Variants in DNAI4 observed in about 807,000 individuals in gnomAD.
DNAI4 encodes dynein axonemal intermediate chain 4.
Under a neutral mutation model 105.8 loss-of-function variants are expected in DNAI4, and 85 were observed. The ratio of observed to expected loss-of-function variants is 0.80; its 90% CI spans 0.67 to 0.96. DNAI4 has a LOEUF of 0.96. Ranked by LOEUF, DNAI4 falls within the 40% of genes least tolerant of loss-of-function variation. The pLI is 0.00. For synonymous variants in DNAI4, 352 were observed against 331.5 expected, an observed-to-expected ratio of 1.06 and a Z score of -0.67; for missense variants, 1,014 against 1,005.6, an observed-to-expected ratio of 1.01 and a Z score of -0.11.
chr1:66,862,084 A>G, intron 7 of DNAI4, 63 bp downstream of exon 7: 1 of 1,471,086 alleles, frequency 6.8e-7, no homozygotes, highest in South Asian at 1.4e-5. Context: ...ACTGCCAAAA[A>G]AGAATTTATT....
intron 1 of DNAI4, among the ~76,000 whole-genome samples, chr1:66,909,507 G>A (rs1351171131): frequency 4.0e-5 from 6 of 149,558 alleles, no homozygotes; most frequent in Non-Finnish European, 5.9e-5. Flanking sequence ...TTTTAACTTG[G>A]ATCGTAGGAC....
At position 66,835,665 on chromosome 1, in the gene DNAI4, T is replaced by C; in HGVS notation, c.1694A>G (p.Asn565Ser). The C allele has an allele frequency of 1.9e-6, 3 of 1,614,158 alleles. No individual in the cohort carries two copies. The highest frequency in any genetic ancestry group is 1.7e-6 in the Non-Finnish European group (2 of 1,180,004). Residue 565 changes from asparagine (N) to serine (S), a missense_variant, in exon 11 of 17, where the codon AAT (asparagine) becomes AGT (serine). Coordinates refer to ENST00000371026, the MANE Select transcript of DNAI4 (RefSeq NM_024763.5). Reference sequence around the variant, plus strand: ...TGGAACATTACTGTTGCTCCGTACATTGTAAATTGCAATTGTGCCATTGTG... The same window carrying C: ...TGGAACATTACTGTTGCTCCGTACACTGTAAATTGCAATTGTGCCATTGTG... ...GYHNGTIAIY[N>S]VRSNSNVPVL...
chr1:66,916,889 CTTT>C (rs57839896), intron 1 of DNAI4, among the ~76,000 whole-genome samples: 2 of 147,388 alleles, frequency 1.4e-5, no homozygotes, highest in African/African-American at 2.5e-5. Context: ...AGATTTTTGC[CTTT>C]TTTTTTTAAT....
rs1645786256 is a variant in DNAI4, at chr1:66,827,796, C to T, written c.2112+16G>A. The T allele has an allele frequency of 1.4e-6, 2 of 1,430,742 alleles. No individual in the cohort carries two copies. Among genetic ancestry groups the T allele is most frequent in the Non-Finnish European group, 1.9e-6 (2 of 1,045,922 alleles). The allele number at this position is 1,430,742 out of a possible 1,614,324, so 88.6% of individuals were successfully genotyped here. A position where few individuals can be genotyped will look rare whatever the true frequency, so the allele number is the denominator to read the frequency against. ...AATACAAAATAAATGTTCCAACCTA[C>T]TATAATTAAACTAACCTTATGTCCT... On this transcript the variant is annotated intron_variant, in intron 14 of 16. Transcript: ENST00000371026.
rs746961223 is a variant in DNAI4 at position 66,890,749 on chromosome 1, AGAG to A, written c.643+402_643+404del. 2.7e-4 allele frequency: 65 copies of A among 239,950 alleles called. No homozygotes were observed. Among genetic ancestry groups the A allele is most frequent in the South Asian group, 1.9e-3 (40 of 20,942 alleles). The allele number at this position is 239,950 out of a possible 1,614,324, so 14.9% of individuals were successfully genotyped here. A position where few individuals can be genotyped will look rare whatever the true frequency, so the allele number is the denominator to read the frequency against. On this transcript the variant is annotated intron_variant, in intron 4 of 16. Transcript: ENST00000371026. This position sits in a 1 kb window ranked among gnomAD's most constrained non-coding sequence, Gnocchi z 4.1. Reference sequence around the variant, plus strand: ...AGGGAGAGGAAGAGGGGGAGAAGGAAGAGGAGGAGGAGGAAGAGGAAGAAGAGG... The same window carrying A: ...AGGGAGAGGAAGAGGGGGAGAAGGAAGAGGAGGAGGAAGAGGAAGAAGAGG...
intron 4 of DNAI4, among the ~76,000 whole-genome samples, chr1:66,889,182 C>A (rs1447130429): frequency 6.6e-6 from 1 of 152,112 alleles, no homozygotes; most frequent in African/African-American, 2.4e-5. Flanking sequence ...AAGCTAAATA[C>A]TTGATTTTCC....
chr1:66,860,410 A>G (rs1161357687), intron 7 of DNAI4, among the ~76,000 whole-genome samples: 1 of 152,036 alleles, frequency 6.6e-6, no homozygotes, highest in African/African-American at 2.4e-5. Context: ...TCAGAGTCAA[A>G]AGGACCTTAG....
At chr1:66,840,336 A>T in intron 9 of DNAI4, 133 bp downstream of exon 9, 1 of 783,248 alleles carries the variant, frequency 1.3e-6, no homozygotes, top group Non-Finnish European at 2.0e-6. Flanking sequence ...TTTTAGGGGC[A>T]TTCTAAAACT....
intron 2 of DNAI4, among the ~76,000 whole-genome samples, chr1:66,902,891 G>A: frequency 6.6e-6 from 1 of 152,106 alleles, no homozygotes; most frequent in East Asian, 1.9e-4. Flanking sequence ...CATTCCATTG[G>A]TCTATACCGT....
At chr1:66,918,363 T>A (rs1650216993) in intron 1 of DNAI4, among the ~76,000 whole-genome samples, 1 of 152,228 alleles carries the variant, frequency 6.6e-6, no homozygotes. Flanking sequence ...AAATTCTAAT[T>A]TTTCTTGGCC....
At position 66,834,072 on chromosome 1, in the gene DNAI4, C is replaced by A; in HGVS notation, c.1810G>T (p.Gly604Cys). Residue 604 changes from glycine (G) to cysteine (C), a missense_variant, in exon 12 of 17, where the codon GGC becomes TGC. Transcript: ENST00000371026. ...IEQDRGTTGDGKREILVSISA... is the reference protein window; with the variant it reads ...IEQDRGTTGDCKREILVSISA... ...ATAGAAACTAGTATTTCTCTTTTGC[C>A]ATCTCCTGTTGTTCCTCGATCTTGT... is the stretch of plus-strand genomic sequence containing the variant. 6.2e-7 allele frequency: 1 copy of A among 1,612,678 alleles called. No homozygotes were observed. The highest frequency in any genetic ancestry group is 8.5e-7 in the Non-Finnish European group (1 of 1,179,418).
chr1:66,876,431 T>C (rs186757559), intron 4 of DNAI4, among the ~76,000 whole-genome samples: 1 of 152,258 alleles, frequency 6.6e-6, no homozygotes, highest in East Asian at 1.9e-4. Context: ...AAATAAATGA[T>C]CTTATATTAG....
chr1:66,899,226 T>C (rs752953445), intron 2 of DNAI4, among the ~76,000 whole-genome samples: 1 of 152,228 alleles, frequency 6.6e-6, no homozygotes, highest in Non-Finnish European at 1.5e-5. Flanking sequence ...ACAAGCAGTG[T>C]ATGAGGGTTC....
At chr1:66,877,936 A>G (rs141746831) in intron 4 of DNAI4, among the ~76,000 whole-genome samples, 1 of 152,294 alleles carries the variant, frequency 6.6e-6, no homozygotes, top group East Asian at 1.9e-4. Context: ...ACATGCTAAC[A>G]TCATAACTTA....
chr1:66,923,806 G>A (rs1232016596), intron 1 of DNAI4, among the ~76,000 whole-genome samples: 1 of 152,138 alleles, frequency 6.6e-6, no homozygotes, highest in Non-Finnish European at 1.5e-5. Flanking sequence ...AATTACTTAG[G>A]GAATTTTGGG....
intron 6 of DNAI4, among the ~76,000 whole-genome samples, chr1:66,864,450 G>A: frequency 6.6e-6 from 1 of 152,038 alleles, no homozygotes; most frequent in East Asian, 1.9e-4. Context: ...TTGCTAAAAG[G>A]CAAAGAAACG....
At chr1:66,814,930 T>C (rs989841919) in intron 16 of DNAI4, among the ~76,000 whole-genome samples, 2 of 152,294 alleles carry the variant, frequency 1.3e-5, no homozygotes, top group South Asian at 2.1e-4. Flanking sequence ...AAAATGATCA[T>C]ATATAAGAGG....
chr1:66,905,335 C>CA lies in DNAI4; in HGVS notation c.210dup (p.Ala71CysfsTer30). 6.6e-7 allele frequency: 1 copy of CA among 1,520,990 alleles called. No homozygotes were observed. The highest frequency in any genetic ancestry group is 8.9e-7 in the Non-Finnish European group (1 of 1,122,156). The allele number at this position is 1,520,990 out of a possible 1,614,324, so 94.2% of individuals were successfully genotyped here. On this transcript the variant is annotated frameshift_variant, in exon 2 of 17. Coordinates refer to ENST00000371026, the MANE Select transcript of DNAI4 (RefSeq NM_024763.5). LOFTEE classifies it high-confidence loss of function. Reference sequence around the variant, plus strand: ...TTCACTGAAGTTGCTTTCATTGTAGCAAAAAAGCTAATAGACTTCTTTGGT... The same window carrying CA: ...TTCACTGAAGTTGCTTTCATTGTAGCAAAAAAAGCTAATAGACTTCTTTGGT...
chr1:66,901,006 T>C lies in DNAI4; in HGVS notation c.345+4195A>G, dbSNP rs576209541. ...GTGCAATTAAGTATAATGTTAGCTG[T>C]GGGGTTTTTGTGAATCCTTTGTCAA... is the stretch of plus-strand genomic sequence containing the variant. On this transcript the variant is annotated intron_variant, in intron 2 of 16. Coordinates refer to ENST00000371026, the MANE Select transcript of DNAI4 (RefSeq NM_024763.5). Among the ~76,000 whole-genome samples the C allele has an allele frequency of 3.3e-5, 5 of 152,342 alleles. No homozygotes were observed. In the South Asian group the frequency reaches 8.3e-4, roughly 25 times the overall value.
Sources: allele counts gnomAD v4.1 joint callset (sites outside exome capture counted in the v4.1 genomes callset), GRCh38; gene constraint gnomAD v4.1.1; non-coding constraint Gnocchi (gnomAD v3.1); transcripts MANE v1.5; gene names NCBI Gene and HGNC (gene_info 2026-07-23, HGNC 2026-07-21).